The following ASXL2 variants were observed in gnomAD, a reference collection of about 807,000 sequenced individuals.
The protein encoded by ASXL2 is putative Polycomb group protein ASXL2.
In ASXL2, 23 loss-of-function variants were observed where a neutral mutation model predicts 122.0. The ratio of observed to expected loss-of-function variants is 0.19; its 90% CI spans 0.14 to 0.27. The LOEUF (loss-of-function observed/expected upper bound fraction) is 0.27. ASXL2 is among the 10% of genes least tolerant of loss of function. The pLI is 1.00. For missense variants in ASXL2, 1,518 were observed against 1,713.8 expected (o/e 0.89, Z 2.02); for synonymous variants, 650 against 637.0 (o/e 1.02, Z -0.31).
chr2:25,745,609 T>A (rs2087928459), intron 12 of ASXL2, among the ~76,000 whole-genome samples: 1 of 149,894 alleles, frequency 6.7e-6, no homozygotes, highest in African/African-American at 2.4e-5. Context: ...GAGATTCTGA[T>A]GTCTATCAGG....
Position 25,740,124 on chromosome 2 carries a change from G to A in ASXL2, c.*1905C>T, listed in dbSNP as rs970899211. The stretch of plus-strand genomic sequence containing the variant: ...AAGGAGAAAGATGGACAGACATATC[G>A]TTCTGGCTGAAGCTGGAACACAGAT... On this transcript the variant is annotated 3_prime_UTR_variant, in exon 13 of 13. Transcript: ENST00000435504. 5 of 224,282 alleles carry A rather than the reference G, an allele frequency of 2.2e-5. No individual in the cohort carries two copies. The highest frequency in any genetic ancestry group is 6.5e-5 in the East Asian group (1 of 15,424). The allele number at this position is 224,282 out of a possible 1,614,324, so 13.9% of individuals were successfully genotyped here.
At chr2:25,779,623 C>T (rs1451845329) in intron 5 of ASXL2, among the ~76,000 whole-genome samples, 2 of 152,182 alleles carry the variant, frequency 1.3e-5, no homozygotes, top group Non-Finnish European at 2.9e-5. Context: ...AGCTACATCT[C>T]ACAATAACTT....
At chr2:25,789,367 T>C (rs750976628) in intron 5 of ASXL2, among the ~76,000 whole-genome samples, 4 of 152,160 alleles carry the variant, frequency 2.6e-5, no homozygotes, top group Admixed American at 6.5e-5. Flanking sequence ...GACTTGATTA[T>C]GTAAGTTTAA....
At chr2:25,825,815 T>A (rs548320421) in intron 3 of ASXL2, among the ~76,000 whole-genome samples, 1 of 152,296 alleles carries the variant, frequency 6.6e-6, no homozygotes, top group African/African-American at 2.4e-5. Context: ...AAAAGAGGAA[T>A]TGCTGGGTAA....
At chr2:25,769,380 T>C (rs1015889357) in intron 6 of ASXL2, among the ~76,000 whole-genome samples, 1 of 152,172 alleles carries the variant, frequency 6.6e-6, no homozygotes, top group African/African-American at 2.4e-5. Flanking sequence ...AGTTTGTAAA[T>C]AACTACATCA....
intron 2 of ASXL2, among the ~76,000 whole-genome samples, chr2:25,835,850 T>C (rs994189071): frequency 6.6e-6 from 1 of 152,218 alleles, no homozygotes; most frequent in Non-Finnish European, 1.5e-5. Flanking sequence ...GTGGATACAA[T>C]GAATACTTCC....
chr2:25,739,518 T>C lies in ASXL2; in HGVS notation c.*2511A>G, dbSNP rs778560970. Reference sequence around the variant, plus strand: ...TAACTGTTCTCTTGTCTGGTCAAGATTGAGGCAGTGTATCTAGTTGGCAAT... The same window carrying C: ...TAACTGTTCTCTTGTCTGGTCAAGACTGAGGCAGTGTATCTAGTTGGCAAT... On this transcript the variant is annotated 3_prime_UTR_variant, in exon 13 of 13. Transcript: ENST00000435504. The C allele has an allele frequency of 1.0e-4, 19 of 189,956 alleles. No individual in the cohort carries two copies. The highest frequency in any genetic ancestry group is 4.9e-4 in the Admixed American group (8 of 16,248). The allele number at this position is 189,956 out of a possible 1,614,324, so 11.8% of individuals were successfully genotyped here.
At position 25,742,364 on chromosome 2, in the gene ASXL2, G is replaced by A. The variant is rs757158204; in HGVS notation, c.3973C>T (p.Pro1325Ser). Residue 1325 changes from proline (P) to serine (S), a missense_variant, in exon 13 of 13, where the codon CCA (proline) becomes TCA (serine). Around this residue, in one of 8 missense-constraint regions of ASXL2, gnomAD observed 831 missense variants for 833.1 expected, o/e 1.00. Transcript: ENST00000435504. Reference protein sequence around the residue: ...KLYGSPTQIGPSYRGMINVST... With the variant: ...KLYGSPTQIGSSYRGMINVST... The stretch of plus-strand genomic sequence containing the variant: ...ACATTGATCATGCCTCTATAGCTTG[G>A]CCCTATCTGGGTGGGGCTTCCATAC... 1 of 1,546,660 alleles carries A rather than the reference G, an allele frequency of 6.5e-7. No individual in the cohort carries two copies. Among genetic ancestry groups the A allele is most frequent in the South Asian group, 1.1e-5 (1 of 89,738 alleles).
intron 5 of ASXL2, among the ~76,000 whole-genome samples, chr2:25,784,118 G>A (rs2088696984): frequency 6.6e-6 from 1 of 151,268 alleles, no homozygotes; most frequent in Non-Finnish European, 1.5e-5. Context: ...GCCAGGTGCG[G>A]TGGCGTGCTG....
Position 25,734,601 on chromosome 2 carries a change from C to A in ASXL2, c.*7428G>T, listed in dbSNP as rs994459599. 11 of 152,190 alleles carry A rather than the reference C, an allele frequency of 7.2e-5. No individual in the cohort carries two copies. The highest frequency in any genetic ancestry group is 2.4e-4 in the African/African-American group (10 of 41,448). The allele number at this position is 152,190 out of a possible 1,614,324, so 9.4% of individuals were successfully genotyped here. On this transcript the variant is annotated 3_prime_UTR_variant, in exon 13 of 13. Transcript: ENST00000435504. ...AGATATTTTGGTAACATTTAATGCA[C>A]TGCTTTCTAATTGGGCTAATTTGAA...
chr2:25,747,597 G>A (rs1458556425), intron 12 of ASXL2, among the ~76,000 whole-genome samples: 1 of 152,176 alleles, frequency 6.6e-6, no homozygotes, highest in Non-Finnish European at 1.5e-5. Flanking sequence ...GCAGAAAGCA[G>A]ACAGAATATG....
chr2:25,816,813 TCAAA>T (rs1401359296), intron 3 of ASXL2, among the ~76,000 whole-genome samples: 1 of 152,202 alleles, frequency 6.6e-6, no homozygotes, highest in Non-Finnish European at 1.5e-5. Flanking sequence ...TAGATGGCAT[TCAAA>T]CAAAGAGGCA....
intron 3 of ASXL2, among the ~76,000 whole-genome samples, chr2:25,818,065 G>A (rs981335370): frequency 6.6e-6 from 1 of 152,148 alleles, no homozygotes; most frequent in Non-Finnish European, 1.5e-5. Context: ...GCATTTTGAT[G>A]GTAACTTGAA....
Position 25,743,152 on chromosome 2 carries a change from G to T in ASXL2, c.3185C>A (p.Thr1062Asn), listed in dbSNP as rs2149136515. 6.2e-7 allele frequency: 1 copy of T among 1,614,002 alleles called. No individual in the cohort carries two copies. Among genetic ancestry groups the T allele is most frequent in the Non-Finnish European group, 8.5e-7 (1 of 1,179,894 alleles). The change falls in exon 13 of 13, where the codon ACC (threonine) becomes AAC (asparagine). Residue 1062 changes from threonine (T) to asparagine (N), a missense_variant. Physicochemically the swap from Thr to Asn is moderately conservative, Grantham distance 65. Around this residue, in one of 8 missense-constraint regions of ASXL2, gnomAD observed 831 missense variants for 833.1 expected, o/e 1.00. Transcript: ENST00000435504. ...GAGAGTCTGAAGGATCTGATCTTGG[G>T]TTGCTTTACTTAGTCCTTCGTGGTA... ...HQYHEGLSKA[T>N]QDQILQTLIQ...
Position 25,743,538 on chromosome 2 carries a change from T to A in ASXL2, c.2799A>T (p.Leu933Phe). The A allele has an allele frequency of 6.2e-7, 1 of 1,613,994 alleles. No homozygotes were observed. The highest frequency in any genetic ancestry group is 8.5e-7 in the Non-Finnish European group (1 of 1,179,890). ...ASSLKTPGTS[L>F]NMNGPTLRPT... Reference sequence around the variant, plus strand: ...GTCTTAAAGTGGGTCCATTCATGTTTAAAGAAGTTCCTGGGGTTTTAAGGC... The same window carrying A: ...GTCTTAAAGTGGGTCCATTCATGTTAAAAGAAGTTCCTGGGGTTTTAAGGC... The change falls in exon 13 of 13, where the codon TTA becomes TTT. Residue 933 changes from leucine (L) to phenylalanine (F), a missense_variant. Physicochemically the swap from Leu to Phe is conservative, Grantham distance 22. Transcript: ENST00000435504.
intron 1 of ASXL2, among the ~76,000 whole-genome samples, chr2:25,852,274 T>C (rs2089725086): frequency 6.6e-6 from 1 of 152,208 alleles, no homozygotes; most frequent in African/African-American, 2.4e-5. Context: ...CTTAATATAT[T>C]TACTTCTTAG....
intron 3 of ASXL2, among the ~76,000 whole-genome samples, chr2:25,818,871 A>G (rs950471974): frequency 1.3e-5 from 2 of 152,172 alleles, no homozygotes; most frequent in African/African-American, 4.8e-5. Context: ...CTTCCCCTGT[A>G]GTGTGGGTAG....
At chr2:25,753,828 A>C (rs2088087435) in intron 10 of ASXL2, among the ~76,000 whole-genome samples, 189 bp from the exon 11 acceptor site, 1 of 152,162 alleles carries the variant, frequency 6.6e-6, no homozygotes. Flanking sequence ...ATGTTTGCAC[A>C]CCACTCCAGG....
At chr2:25,854,012 G>A (rs2089748734) in intron 1 of ASXL2, among the ~76,000 whole-genome samples, 3 of 152,120 alleles carry the variant, frequency 2.0e-5, no homozygotes, top group Non-Finnish European at 2.9e-5. Context: ...AAGTAGCTGA[G>A]AATACTTAAA....
Sources: allele counts gnomAD v4.1 joint callset (sites outside exome capture counted in the v4.1 genomes callset), GRCh38; gene constraint gnomAD v4.1.1; regional missense constraint gnomAD v4.1.1; transcripts MANE v1.5; gene names NCBI Gene and HGNC (gene_info 2026-07-23, HGNC 2026-07-21).